The following DNAH8 variants were observed in gnomAD, a reference collection of about 807,000 sequenced individuals.
The protein encoded by DNAH8 is dynein axonemal heavy chain 8.
Under a neutral mutation model 562.1 loss-of-function variants are expected in DNAH8, and 382 were observed. That is an observed-to-expected ratio of 0.68 (90% confidence interval 0.63 to 0.74). The LOEUF is 0.74. DNAH8 is among the 30% of genes least tolerant of loss of function. DNAH8 has a pLI of 0.00. For synonymous variants in DNAH8, 1,881 were observed against 1,919.4 expected, an observed-to-expected ratio of 0.98 and a Z score of 0.52; for missense variants, 5,203 against 5,620.4, an observed-to-expected ratio of 0.93 and a Z score of 2.37.
At chr6:39,019,594 G>T (rs1003903071) in intron 91 of DNAH8, among the ~76,000 whole-genome samples, 1 of 152,172 alleles carries the variant, frequency 6.6e-6, no homozygotes, top group Non-Finnish European at 1.5e-5. Flanking sequence ...CGTGAGAGAG[G>T]GGGGCATTTG....
chr6:38,923,796 C>A (rs549485772), intron 72 of DNAH8, among the ~76,000 whole-genome samples, 195 bp from the exon 73 acceptor site: 4 of 152,148 alleles, frequency 2.6e-5, no homozygotes, highest in East Asian at 1.9e-4. Flanking sequence ...TCCTGACCAC[C>A]CCACATGTGG....
intron 34 of DNAH8, 44 bp downstream of exon 34, chr6:38,842,549 T>G (rs370524104): frequency 2.5e-6 from 4 of 1,593,550 alleles, no homozygotes; most frequent in Non-Finnish European, 3.4e-6. Flanking sequence ...CTTCTTAGGA[T>G]CCTATAGGTA....
intron 88 of DNAH8, among the ~76,000 whole-genome samples, chr6:39,004,652 C>T (rs959036051): frequency 5.9e-5 from 9 of 152,118 alleles, no homozygotes; most frequent in Non-Finnish European, 7.3e-5. Context: ...ATAAGATTTC[C>T]ATCACTCTAA....
intron 11 of DNAH8, among the ~76,000 whole-genome samples, chr6:38,765,033 A>G (rs1738178): frequency 0.22 from 33,784 of 152,056 alleles, 4,198 homozygotes; most frequent in East Asian, 0.46. Context: ...CAAGGGTTTC[A>G]CCATGTTGGC....
At chr6:38,776,780 T>G (rs1738262) in intron 13 of DNAH8, among the ~76,000 whole-genome samples, 1 of 152,088 alleles carries the variant, frequency 6.6e-6, no homozygotes, top group Admixed American at 6.5e-5. Context: ...GTATGTCAGA[T>G]GAGACTGTAA....
intron 1 of DNAH8, among the ~76,000 whole-genome samples, chr6:38,717,047 C>A (rs545830737): frequency 2.0e-5 from 3 of 152,244 alleles, no homozygotes; most frequent in South Asian, 4.1e-4. Flanking sequence ...AAAACCAAAA[C>A]CCAAACCAAA....
chr6:38,791,521 G>C (rs1159351664), intron 20 of DNAH8, 34 bp from the exon 21 acceptor site: 1 of 1,586,772 alleles, frequency 6.3e-7, no homozygotes, highest in Admixed American at 1.8e-5. Flanking sequence ...AAGGAAAGAA[G>C]AGTTTTTTTT....
intron 85 of DNAH8, among the ~76,000 whole-genome samples, chr6:38,976,497 G>A (rs758105001): frequency 6.6e-6 from 1 of 152,168 alleles, no homozygotes; most frequent in Non-Finnish European, 1.5e-5. Context: ...TTAGGATAGG[G>A]ACAGCTTGAT....
At chr6:38,865,090 A>G (rs1384406904) in intron 45 of DNAH8, among the ~76,000 whole-genome samples, 1 of 152,232 alleles carries the variant, frequency 6.6e-6, no homozygotes, top group Non-Finnish European at 1.5e-5. Context: ...AAAGGCATGA[A>G]TAAACGGGAG....
rs117442672 is a variant in DNAH8, at chr6:38,906,660, T to A, written c.9348+253T>A. ...TCTTCACTTTGGTCTTATAATTTAT[T>A]TTAGGAGAAGCAAAGTATCTGTCCA... is the stretch of plus-strand genomic sequence containing the variant. On this transcript the variant is annotated intron_variant, in intron 63 of 92. Coordinates refer to ENST00000327475, the MANE Select transcript of DNAH8 (RefSeq NM_001206927.2). 2.5e-3 allele frequency among the ~76,000 whole-genome samples: 378 copies of A among 152,304 alleles called. 7 individuals are homozygous for A. In the East Asian group the frequency reaches 0.043, roughly 18 times the overall value.
intron 4 of DNAH8, among the ~76,000 whole-genome samples, chr6:38,731,561 A>G (rs1763659082): frequency 6.6e-6 from 1 of 152,236 alleles, no homozygotes; most frequent in East Asian, 1.9e-4. Context: ...ATATTACTGA[A>G]TACAAATCTA....
chr6:38,756,107 G>A (rs771496922), intron 10 of DNAH8, 28 bp downstream of exon 10: 13 of 1,344,188 alleles, frequency 9.7e-6, no homozygotes, highest in Non-Finnish European at 1.4e-5. Flanking sequence ...GAAATTACAT[G>A]TCATCCTGTG....
At chr6:38,980,509 G>A (rs1018996511) in intron 85 of DNAH8, among the ~76,000 whole-genome samples, 1 of 152,118 alleles carries the variant, frequency 6.6e-6, no homozygotes, top group East Asian at 1.9e-4. Context: ...GTTCTTCACA[G>A]CTCCTGAGTT....
chr6:38,947,646 G>A (rs1161294704), intron 80 of DNAH8, among the ~76,000 whole-genome samples: 2 of 152,176 alleles, frequency 1.3e-5, no homozygotes, highest in Non-Finnish European at 2.9e-5. Context: ...GCAACACCCA[G>A]GCCCTGGCAT....
chr6:38,974,261 A>T (rs1763532487), intron 84 of DNAH8, 113 bp from the exon 85 acceptor site: 1 of 847,994 alleles, frequency 1.2e-6, no homozygotes, highest in Middle Eastern at 3.5e-4. Flanking sequence ...AATTCAAAAC[A>T]CTTCCAGTCC....
chr6:38,921,741 TTG>T (rs35809088), intron 71 of DNAH8, among the ~76,000 whole-genome samples: 5,175 of 152,276 alleles, frequency 0.034, 129 homozygotes, highest in South Asian at 0.069. Context: ...CACTTGTTAA[TTG>T]TGTGGTTTGG....
At chr6:38,889,264 G>A (rs552262335) in intron 57 of DNAH8, among the ~76,000 whole-genome samples, 178 of 152,198 alleles carry the variant, frequency 1.2e-3, no homozygotes, top group African/African-American at 3.8e-3. Flanking sequence ...TGAATTGAAA[G>A]AAGCAAATCA....
chr6:38,870,174 G>T (rs983909798), intron 48 of DNAH8, among the ~76,000 whole-genome samples: 2 of 152,146 alleles, frequency 1.3e-5, no homozygotes, highest in African/African-American at 2.4e-5. Flanking sequence ...TCCCTCCCAC[G>T]ACACGTGGGA....
At chr6:38,785,455 A>G (rs1186183593) in intron 17 of DNAH8, among the ~76,000 whole-genome samples, 1 of 152,220 alleles carries the variant, frequency 6.6e-6, no homozygotes, top group Admixed American at 6.5e-5. Context: ...GTTTTAAGGA[A>G]GACAGATTTA....
Sources: allele counts gnomAD v4.1 joint callset (sites outside exome capture counted in the v4.1 genomes callset), GRCh38; gene constraint gnomAD v4.1.1; transcripts MANE v1.5; gene names NCBI Gene and HGNC (gene_info 2026-07-23, HGNC 2026-07-21).